The following KLHDC10 variants were observed in gnomAD, a reference collection of about 807,000 sequenced individuals.
The protein encoded by KLHDC10 is kelch domain-containing protein 10.
In KLHDC10, 24 loss-of-function variants were observed where a neutral mutation model predicts 56.1. The observed-to-expected ratio is 0.43, with a 90% CI of 0.31 to 0.60. KLHDC10 has a LOEUF of 0.60. KLHDC10 is among the 20% of genes least tolerant of loss of function. KLHDC10 has a pLI of 0.11. For missense variants in KLHDC10, 349 were observed against 567.0 expected (o/e 0.62, Z 3.91); for synonymous variants, 188 against 207.1 (o/e 0.91, Z 0.79).
intron 1 of KLHDC10, among the ~76,000 whole-genome samples, chr7:130,076,710 T>C (rs1795509183): frequency 6.6e-6 from 1 of 152,220 alleles, no homozygotes; most frequent in South Asian, 2.1e-4. Context: ...GTCCTTCATT[T>C]AGTTCAGCTT....
At position 130,088,433 on chromosome 7, in the gene KLHDC10, C is replaced by T. The variant is rs183434437; in HGVS notation, c.167-8488C>T. 6.2e-3 allele frequency among the ~76,000 whole-genome samples: 932 copies of T among 151,514 alleles called. 4 individuals are homozygous for T. The highest frequency in any genetic ancestry group is 0.024 in the Middle Eastern group (7 of 286). ...GGGATTACAGGCTCGCACCACCACGCCTGGCTAATTTTTGTATTTTTAGTA... is the reference window on the plus strand; with the variant it reads ...GGGATTACAGGCTCGCACCACCACGTCTGGCTAATTTTTGTATTTTTAGTA... On this transcript the variant is annotated intron_variant, in intron 1 of 9. Transcript: ENST00000335420.
chr7:130,079,270 C>T (rs1471318335), intron 1 of KLHDC10, among the ~76,000 whole-genome samples: 1 of 152,054 alleles, frequency 6.6e-6, no homozygotes, highest in Non-Finnish European at 1.5e-5. Flanking sequence ...GTTGGCCAGG[C>T]TGGTCTTGAA....
rs12534379 is a variant in KLHDC10 at position 130,131,277 on chromosome 7, G to A, written c.*531G>A. 0.45 allele frequency: 70,324 copies of A among 154,572 alleles called. 16,276 individuals carry two copies. Among genetic ancestry groups the A allele is most frequent in the Middle Eastern group, 0.52 (153 of 294 alleles). 9.6% of individuals were successfully genotyped at this position (154,572 alleles called of 1,614,324 possible). On this transcript the variant is annotated 3_prime_UTR_variant, in exon 10 of 10. Transcript: ENST00000335420. ...GTGTTTTCAAGATGTGTCTAACTGA[G>A]TAGTAGCTGGGTCTGATGGCAGCAG...
chr7:130,072,372 A>G (rs1342431968), intron 1 of KLHDC10, among the ~76,000 whole-genome samples: 2 of 152,316 alleles, frequency 1.3e-5, no homozygotes, highest in Non-Finnish European at 2.9e-5. Flanking sequence ...AAGGGGCTTC[A>G]GTGTAGAGCT....
intron 1 of KLHDC10, among the ~76,000 whole-genome samples, chr7:130,081,768 T>G (rs529419148): frequency 2.6e-5 from 4 of 152,380 alleles, no homozygotes; most frequent in Admixed American, 2.6e-4. Flanking sequence ...AATATGTCCC[T>G]TACTATGTTT....
intron 1 of KLHDC10, among the ~76,000 whole-genome samples, chr7:130,085,361 A>T (rs1032904626): frequency 1.1e-3 from 161 of 151,680 alleles, no homozygotes; most frequent in Non-Finnish European, 1.4e-3. Context: ...GAATATTTTT[A>T]AAAATTGGGC....
intron 2 of KLHDC10, among the ~76,000 whole-genome samples, chr7:130,111,567 T>C (rs980598777): frequency 6.6e-6 from 1 of 151,902 alleles, no homozygotes; most frequent in Non-Finnish European, 1.5e-5. Flanking sequence ...AAGAAGTAGC[T>C]AGGTGTGGTG....
intron 2 of KLHDC10, among the ~76,000 whole-genome samples, chr7:130,110,189 T>A (rs1796081936): frequency 6.6e-6 from 1 of 152,254 alleles, no homozygotes; most frequent in Admixed American, 6.5e-5. Flanking sequence ...TGTGATCATC[T>A]CATTGCACAT....
chr7:130,128,889 A>AAAAAAAAAAAAAAAAAATATATATAT, intron 8 of KLHDC10, among the ~76,000 whole-genome samples: 5 of 66,952 alleles, frequency 7.5e-5, no homozygotes, highest in African/African-American at 1.5e-4. Flanking sequence ...AAAAAAAAAA[A>AAAAAAAAAAAAAAAAAATATATATAT]ATATATATAT....
chr7:130,124,396 C>A, intron 5 of KLHDC10, 55 bp from the exon 6 acceptor site: 1 of 1,041,872 alleles, frequency 9.6e-7, no homozygotes, highest in Non-Finnish European at 1.5e-6. Context: ...ATAGCTAAAT[C>A]TTAGATAGGT....
At chr7:130,118,252 T>C (rs1183158510) in intron 3 of KLHDC10, among the ~76,000 whole-genome samples, 2 of 152,250 alleles carry the variant, frequency 1.3e-5, no homozygotes, top group Non-Finnish European at 2.9e-5. Flanking sequence ...GATAACTTGC[T>C]GTAGCTTCTG....
Position 130,070,616 on chromosome 7 carries a change from A to G in KLHDC10, c.-28A>G. 1 of 1,306,728 alleles carries G rather than the reference A, an allele frequency of 7.7e-7. No individual in the cohort carries two copies. The highest frequency in any genetic ancestry group is 2.6e-5 in the South Asian group (1 of 38,306). 80.9% of individuals were successfully genotyped at this position (1,306,728 alleles called of 1,614,324 possible). A position where few individuals can be genotyped will look rare whatever the true frequency, so the allele number is the denominator to read the frequency against. On this transcript the variant is annotated 5_prime_UTR_variant, in exon 1 of 10. Transcript: ENST00000335420. Reference sequence around the variant, plus strand: ...TTCCGCTGGGTCAGGCGCTGACGGGACCGGGCTGCGGCAATCGTTAGCGGG... The same window carrying G: ...TTCCGCTGGGTCAGGCGCTGACGGGGCCGGGCTGCGGCAATCGTTAGCGGG...
At chr7:130,128,907 T>A (rs1431732508) in intron 8 of KLHDC10, among the ~76,000 whole-genome samples, 6 of 125,288 alleles carry the variant, frequency 4.8e-5, no homozygotes, top group Middle Eastern at 4.3e-3. Context: ...TATATATATA[T>A]ATATATATAT....
chr7:130,073,047 C>T (rs921093769), intron 1 of KLHDC10, among the ~76,000 whole-genome samples: 2 of 151,852 alleles, frequency 1.3e-5, no homozygotes, highest in African/African-American at 4.8e-5. Context: ...TGAGCCACCT[C>T]GCCCAGCCAA....
chr7:130,088,621 G>C (rs143565602), intron 1 of KLHDC10, among the ~76,000 whole-genome samples: 1 of 149,306 alleles, frequency 6.7e-6, no homozygotes, highest in African/African-American at 2.5e-5. Context: ...TTGGTTTTTT[G>C]TTTTTCTTTT....
At chr7:130,107,187 C>T (rs957256223) in intron 2 of KLHDC10, among the ~76,000 whole-genome samples, 2 of 151,816 alleles carry the variant, frequency 1.3e-5, no homozygotes, top group African/African-American at 2.4e-5. Flanking sequence ...GTAAAAAAAA[C>T]GAGACAAAGA....
chr7:130,125,971 T>C, intron 7 of KLHDC10, 40 bp downstream of exon 7: 1 of 1,349,580 alleles, frequency 7.4e-7, no homozygotes, highest in Non-Finnish European at 1.0e-6. Context: ...TTAACAAACA[T>C]GTATTATACT....
chr7:130,086,798 A>G (rs1795697484), intron 1 of KLHDC10, among the ~76,000 whole-genome samples: 1 of 152,178 alleles, frequency 6.6e-6, no homozygotes, highest in Non-Finnish European at 1.5e-5. Flanking sequence ...CAATCACTGC[A>G]ATGTATAATG....
intron 1 of KLHDC10, among the ~76,000 whole-genome samples, chr7:130,073,254 C>T (rs1239840440): frequency 6.6e-6 from 1 of 151,136 alleles, no homozygotes; most frequent in Non-Finnish European, 1.5e-5. Context: ...TATAGTATAG[C>T]TCACTGTCTC....
Sources: allele counts gnomAD v4.1 joint callset (sites outside exome capture counted in the v4.1 genomes callset), GRCh38; gene constraint gnomAD v4.1.1; transcripts MANE v1.5; gene names NCBI Gene and HGNC (gene_info 2026-07-23, HGNC 2026-07-21).